The following CDC42BPA variants were observed in gnomAD, a reference collection of about 807,000 sequenced individuals.
CDC42BPA encodes serine/threonine-protein kinase MRCK alpha.
Under a neutral mutation model 223.5 loss-of-function variants are expected in CDC42BPA, and 80 were observed. The ratio of observed to expected loss-of-function variants is 0.36; its 90% CI spans 0.30 to 0.43. The LOEUF (loss-of-function observed/expected upper bound fraction) is 0.43, where lower values mean the gene tolerates loss of function less well. CDC42BPA is among the 20% of genes least tolerant of loss of function. The probability of loss-of-function intolerance (pLI) is 1.00; values close to 1 mark genes in which losing one functional copy is unlikely to be tolerated. For synonymous variants in CDC42BPA, 694 were observed against 718.6 expected, an observed-to-expected ratio of 0.97 and a Z score of 0.55; for missense variants, 1,743 against 2,099.9, an observed-to-expected ratio of 0.83 and a Z score of 3.32.
chr1:227,006,857 A>T (rs2148388757), intron 34 of CDC42BPA, among the ~76,000 whole-genome samples: 1 of 152,190 alleles, frequency 6.6e-6, no homozygotes, highest in South Asian at 2.1e-4. Context: ...GAATCACTTG[A>T]ATCTGGGAGG....
chr1:227,090,922 T>C (rs1682957202), intron 16 of CDC42BPA, among the ~76,000 whole-genome samples: 1 of 152,168 alleles, frequency 6.6e-6, no homozygotes, highest in Non-Finnish European at 1.5e-5. Flanking sequence ...AGATACTAAG[T>C]GGGAAAAAAA....
chr1:227,167,568 C>T (rs1000007031), intron 5 of CDC42BPA, among the ~76,000 whole-genome samples: 1 of 152,146 alleles, frequency 6.6e-6, no homozygotes, highest in African/African-American at 2.4e-5. Context: ...TTTCCATTCC[C>T]CTAATGCTGC....
chr1:227,219,101 C>A (rs1016202830), intron 2 of CDC42BPA, among the ~76,000 whole-genome samples: 1 of 152,168 alleles, frequency 6.6e-6, no homozygotes, highest in Non-Finnish European at 1.5e-5. Flanking sequence ...TAACTTCTTA[C>A]TCTCCCATGA....
At chr1:227,160,697 A>T (rs1411800477) in intron 5 of CDC42BPA, 61 bp from the exon 6 acceptor site, 1 of 941,036 alleles carries the variant, frequency 1.1e-6, no homozygotes, top group Non-Finnish European at 1.6e-6. Flanking sequence ...GTTTGGTAAG[A>T]TATTCTTTTT....
intron 30 of CDC42BPA, among the ~76,000 whole-genome samples, chr1:227,027,113 A>C (rs1358234036): frequency 6.6e-6 from 1 of 152,156 alleles, no homozygotes; most frequent in African/African-American, 2.4e-5. Flanking sequence ...TTTTCAGAAG[A>C]AACAAAATAT....
intron 6 of CDC42BPA, among the ~76,000 whole-genome samples, chr1:227,155,784 T>C (rs1662642334): frequency 6.6e-6 from 1 of 152,222 alleles, no homozygotes; most frequent in Non-Finnish European, 1.5e-5. Flanking sequence ...TGAGTATTTG[T>C]ATTGTCATAA....
chr1:227,203,922 A>G (rs560071096), intron 3 of CDC42BPA, among the ~76,000 whole-genome samples: 1 of 152,332 alleles, frequency 6.6e-6, no homozygotes, highest in East Asian at 1.9e-4. Flanking sequence ...TATTGATAAG[A>G]TGCACTCATC....
chr1:227,229,210 A>G (rs1677383583), intron 2 of CDC42BPA, among the ~76,000 whole-genome samples: 1 of 152,198 alleles, frequency 6.6e-6, no homozygotes, highest in Admixed American at 6.5e-5. Flanking sequence ...TATGAAGTAG[A>G]GTCCAACTTC....
At chr1:227,243,702 G>A (rs148874218) in intron 2 of CDC42BPA, among the ~76,000 whole-genome samples, 1 of 151,826 alleles carries the variant, frequency 6.6e-6, no homozygotes, top group East Asian at 1.9e-4. Flanking sequence ...AAGAATTTCT[G>A]TTCAATACAA....
chr1:227,250,654 A>G (rs369392693), intron 2 of CDC42BPA, among the ~76,000 whole-genome samples: 6 of 146,632 alleles, frequency 4.1e-5, no homozygotes, highest in Non-Finnish European at 7.6e-5. Flanking sequence ...GTGTGTGTGT[A>G]TACCATAATA....
intron 29 of CDC42BPA, 22 bp downstream of exon 29, chr1:227,030,384 CAA>C (rs34370338): frequency 2.7e-4 from 312 of 1,169,604 alleles, no homozygotes; most frequent in Non-Finnish European, 2.9e-4. Flanking sequence ...AAAATTACTC[CAA>C]AAAAAAAAAG....
In CDC42BPA at chr1:227,070,165, G is replaced by A. The variant is rs1677980663; in HGVS notation, c.2828-312C>T. Among the ~76,000 whole-genome samples the A allele has an allele frequency of 1.3e-5, 2 of 151,676 alleles. 1 individual carries two copies. Among genetic ancestry groups the A allele is most frequent in the Admixed American group, 1.3e-4 (2 of 15,242 alleles). The stretch of plus-strand genomic sequence containing the variant: ...TAGGCTTGAGAGAATTTAAAAATAG[G>A]AGTCTGTTTATATCTGATTTTTCTA... On this transcript the variant is annotated intron_variant, in intron 20 of 36. Coordinates refer to ENST00000366766, the MANE Select transcript of CDC42BPA (RefSeq NM_001394014.1).
At position 227,275,860 on chromosome 1, in the gene CDC42BPA, TC is replaced by T. The variant is rs374529016; in HGVS notation, c.179-21706del. Among the ~76,000 whole-genome samples, 201 of 152,322 alleles carry T rather than the reference TC, an allele frequency of 1.3e-3. 4 individuals are homozygous for T. The East Asian group carries it at 0.035, about 27-fold the overall frequency. On this transcript the variant is annotated intron_variant, in intron 1 of 36. Coordinates refer to ENST00000366766, the MANE Select transcript of CDC42BPA (RefSeq NM_001394014.1). ...CGCGAGTGATCTGCCCGCCTGGGCC[TC>T]CCGAGGTGCCGGGATTGCAGACGGA... is the stretch of plus-strand genomic sequence containing the variant.
chr1:227,286,822 T>C (rs1341910909), intron 1 of CDC42BPA, among the ~76,000 whole-genome samples: 2 of 152,164 alleles, frequency 1.3e-5, no homozygotes, highest in East Asian at 3.9e-4. Flanking sequence ...CTTTCATTCA[T>C]AGTATTAGGT....
intron 6 of CDC42BPA, 43 bp downstream of exon 6, chr1:227,160,500 A>G: frequency 8.5e-7 from 1 of 1,180,932 alleles, no homozygotes; most frequent in South Asian, 1.2e-5. Context: ...ATAGCAAGGG[A>G]AATGTCTGTG....
chr1:227,014,189 T>C lies in CDC42BPA; in HGVS notation c.4857+1891A>G, dbSNP rs570950695. Among the ~76,000 whole-genome samples, 5 of 151,990 alleles carry C rather than the reference T, an allele frequency of 3.3e-5. No individual in the cohort carries two copies. In the South Asian group the frequency reaches 8.3e-4, roughly 25 times the overall value. On this transcript the variant is annotated intron_variant, in intron 34 of 36. Transcript: ENST00000366766. ...TCCCAGAAAAAGGTTGAAAAAAAAA[T>C]AGTATAGCTTTTAAACATGATAGAA...
At chr1:227,282,933 A>G (rs1388095814) in intron 1 of CDC42BPA, among the ~76,000 whole-genome samples, 1 of 152,224 alleles carries the variant, frequency 6.6e-6, no homozygotes, top group Non-Finnish European at 1.5e-5. Context: ...TTGCACAACA[A>G]TGTGTATGTA....
intron 1 of CDC42BPA, among the ~76,000 whole-genome samples, chr1:227,292,783 T>G (rs1689914978): frequency 6.6e-6 from 1 of 152,176 alleles, no homozygotes; most frequent in Non-Finnish European, 1.5e-5. Flanking sequence ...AGGTAGACAT[T>G]CAATAATTTA....
Position 227,023,359 on chromosome 1 carries a change from G to A in CDC42BPA, c.4531-12C>T, listed in dbSNP as rs199778652. On this transcript the variant is annotated splice_polypyrimidine_tract_variant and intron_variant, in intron 31 of 36. Transcript: ENST00000366766. Reference sequence around the variant, plus strand: ...TTTAAGGGTCGAACCTAAAATAAAAGACAAAATTAGTATTTCAACAAAACC... The same window carrying A: ...TTTAAGGGTCGAACCTAAAATAAAAAACAAAATTAGTATTTCAACAAAACC... 1.9e-5 allele frequency: 27 copies of A among 1,386,974 alleles called. No individual in the cohort carries two copies. The African/African-American group carries it at 3.7e-4, about 19-fold the overall frequency. 85.9% of individuals were successfully genotyped at this position (1,386,974 alleles called of 1,614,324 possible). A position where few individuals can be genotyped will look rare whatever the true frequency, so the allele number is the denominator to read the frequency against.
Sources: allele counts gnomAD v4.1 joint callset (sites outside exome capture counted in the v4.1 genomes callset), GRCh38; gene constraint gnomAD v4.1.1; transcripts MANE v1.5; gene names NCBI Gene and HGNC (gene_info 2026-07-23, HGNC 2026-07-21).